The following IL31RA variants were observed in gnomAD, a reference collection of about 807,000 sequenced individuals.
IL31RA encodes interleukin 31 receptor A.
In IL31RA, 66 loss-of-function variants were observed where a neutral mutation model predicts 83.7. The observed-to-expected ratio is 0.79, with a 90% CI of 0.65 to 0.97. The LOEUF (loss-of-function observed/expected upper bound fraction) is 0.97. Among genes scored for constraint, IL31RA ranks in the 50% least tolerant of loss-of-function variants. The pLI is 0.00. For synonymous variants in IL31RA, 325 were observed against 329.0 expected, an observed-to-expected ratio of 0.99 and a Z score of 0.13; for missense variants, 798 against 919.4, an observed-to-expected ratio of 0.87 and a Z score of 1.71.
intron 4 of IL31RA, among the ~76,000 whole-genome samples, chr5:55,879,496 G>A (rs1747071926): frequency 1.4e-5 from 2 of 141,498 alleles, no homozygotes; most frequent in African/African-American, 2.7e-5. Context: ...GCTGTGGCGC[G>A]ATCTTGGCTC....
At chr5:55,879,425 CTTTTTTTTTT>C (rs869152529) in intron 4 of IL31RA, among the ~76,000 whole-genome samples, 47 of 45,802 alleles carry the variant, frequency 1.0e-3, no homozygotes, top group African/African-American at 3.5e-3. Context: ...AGTTTCTGTC[CTTTTTTTTTT>C]TTTTTTTTTT....
chr5:55,892,543 G>A (rs1748066061), intron 6 of IL31RA, among the ~76,000 whole-genome samples: 2 of 152,222 alleles, frequency 1.3e-5, no homozygotes, highest in South Asian at 2.1e-4. Context: ...TCTGAATTTT[G>A]TGTTCCCCAC....
At chr5:55,887,735 A>C (rs1007606991) in intron 5 of IL31RA, among the ~76,000 whole-genome samples, 4 of 152,150 alleles carry the variant, frequency 2.6e-5, no homozygotes, top group Non-Finnish European at 4.4e-5. Flanking sequence ...AATACAAAAA[A>C]TTAGCCGGGC....
intron 11 of IL31RA, 53 bp from the exon 12 acceptor site, chr5:55,910,479 C>A: frequency 6.2e-7 from 1 of 1,610,804 alleles, no homozygotes; most frequent in Non-Finnish European, 8.5e-7. Flanking sequence ...TACTGGGACA[C>A]AATTTTCAGT....
At chr5:55,867,208 T>TGC (rs1215033075) in intron 2 of IL31RA, among the ~76,000 whole-genome samples, 33 of 93,910 alleles carry the variant, frequency 3.5e-4, no homozygotes, top group East Asian at 1.5e-3. Flanking sequence ...TTTGTGTGTG[T>TGC]GCGCATGTGT....
In IL31RA at chr5:55,879,210, T is replaced by G. The variant is rs116968764; in HGVS notation, c.455-3834T>G. 9.6e-3 allele frequency among the ~76,000 whole-genome samples: 1,465 copies of G among 152,148 alleles called. 17 individuals are homozygous for G. The highest frequency in any genetic ancestry group is 0.045 in the South Asian group (215 of 4,824). On this transcript the variant is annotated intron_variant, in intron 4 of 14. Coordinates refer to ENST00000652347, the MANE Select transcript of IL31RA (RefSeq NM_139017.7). ...GTAAGTGTGCTCTGTTCTCTTTAGT[T>G]GGTAGAAGGGAAATAGGACCTGAGA...
intron 2 of IL31RA, among the ~76,000 whole-genome samples, chr5:55,865,321 T>A (rs1161999299): frequency 6.6e-6 from 1 of 152,158 alleles, no homozygotes; most frequent in Non-Finnish European, 1.5e-5. Flanking sequence ...GTTGGATGCG[T>A]GCTGTGGGTG....
At chr5:55,916,380 CAA>C (rs35984249) in intron 14 of IL31RA, among the ~76,000 whole-genome samples, 1 of 144,720 alleles carries the variant, frequency 6.9e-6, no homozygotes, top group Admixed American at 6.9e-5. Context: ...GACCCTGTCT[CAA>C]AAAAAAAAAA....
intron 10 of IL31RA, among the ~76,000 whole-genome samples, chr5:55,908,058 T>C (rs1189937923): frequency 6.6e-6 from 1 of 152,206 alleles, no homozygotes; most frequent in Non-Finnish European, 1.5e-5. Context: ...TTTCAAGTGG[T>C]CTTGTTGCCA....
rs143146983 is a variant in IL31RA, at chr5:55,916,835, G to A, written c.2010G>A (p.Gly670=). ...ACAATTTAGGAGGGGAAAAGAATGGGTATGTGACCTGCCCCTTCAGGCCTG... is the reference window on the plus strand; with the variant it reads ...ACAATTTAGGAGGGGAAAAGAATGGATATGTGACCTGCCCCTTCAGGCCTG... ...QENNLGGEKN[G]YVTCPFRPDC... Residue 670 remains glycine (G), a synonymous_variant, in exon 15 of 15, where the codon GGG becomes GGA. Coordinates refer to ENST00000652347, the MANE Select transcript of IL31RA (RefSeq NM_139017.7). 2 of 1,614,094 alleles carry A rather than the reference G, an allele frequency of 1.2e-6. No homozygotes were observed. Among genetic ancestry groups the A allele is most frequent in the African/African-American group, 1.3e-5 (1 of 74,920 alleles).
At chr5:55,898,051 A>G (rs1160379504) in intron 7 of IL31RA, among the ~76,000 whole-genome samples, 1 of 152,214 alleles carries the variant, frequency 6.6e-6, no homozygotes, top group Non-Finnish European at 1.5e-5. Flanking sequence ...CTGCCGCCGC[A>G]TGGGACAACA....
chr5:55,864,656 A>T (rs2112332032), intron 2 of IL31RA, among the ~76,000 whole-genome samples: 1 of 150,986 alleles, frequency 6.6e-6, no homozygotes. Context: ...AACACGCTCC[A>T]GCGGACACAC....
At chr5:55,908,629 A>G in intron 11 of IL31RA, 1 of 1,545,690 alleles carries the variant, frequency 6.5e-7, no homozygotes, top group Non-Finnish European at 8.7e-7. Flanking sequence ...CTGAGAGGAG[A>G]GTCCTGAGGA....
rs577252892 is a variant in IL31RA at position 55,891,607 on chromosome 5, C to T, written c.772+1472C>T. Among the ~76,000 whole-genome samples the T allele has an allele frequency of 7.2e-5, 11 of 152,152 alleles. No individual in the cohort carries two copies. The East Asian group carries it at 2.1e-3, about 29-fold the overall frequency. On this transcript the variant is annotated intron_variant, in intron 6 of 14. Coordinates refer to ENST00000652347, the MANE Select transcript of IL31RA (RefSeq NM_139017.7). ...CACTCTTGTGTGTCAAACCTCTCTG[C>T]CTCCCTCTTATAAGGACTTTTGTGA...
chr5:55,893,384 C>A (rs773949337), intron 6 of IL31RA, among the ~76,000 whole-genome samples: 2 of 152,222 alleles, frequency 1.3e-5, no homozygotes, highest in African/African-American at 4.8e-5. Flanking sequence ...CTAGCAGGGG[C>A]ACCTGCACAT....
At chr5:55,885,054 T>C (rs1747496102) in intron 5 of IL31RA, among the ~76,000 whole-genome samples, 1 of 152,212 alleles carries the variant, frequency 6.6e-6, no homozygotes, top group African/African-American at 2.4e-5. Flanking sequence ...GGTAAACCAG[T>C]AGAAACCATC....
At chr5:55,898,417 G>T (rs1024452911) in intron 7 of IL31RA, among the ~76,000 whole-genome samples, 2 of 141,270 alleles carry the variant, frequency 1.4e-5, no homozygotes, top group African/African-American at 5.3e-5. Flanking sequence ...TTAAATAATA[G>T]TGATAGTTGC....
intron 2 of IL31RA, among the ~76,000 whole-genome samples, chr5:55,865,522 C>T (rs1246467266): frequency 6.6e-5 from 10 of 152,138 alleles, no homozygotes; most frequent in Admixed American, 1.3e-4. Context: ...ACATTTACAA[C>T]CCTTTTAAAA....
chr5:55,845,950 G>A, the IL31RA span, among the ~76,000 whole-genome samples: 1 of 152,148 alleles, frequency 6.6e-6, no homozygotes, highest in Non-Finnish European at 1.5e-5. Context: ...AGCTCCTGTA[G>A]GTAAAACTCA....
Sources: allele counts gnomAD v4.1 joint callset (sites outside exome capture counted in the v4.1 genomes callset), GRCh38; gene constraint gnomAD v4.1.1; transcripts MANE v1.5; gene names NCBI Gene and HGNC (gene_info 2026-07-23, HGNC 2026-07-21).